The following HELZ variants were observed in gnomAD, a reference collection of about 807,000 sequenced individuals.
HELZ encodes the protein helicase with zinc finger.
A neutral mutation model predicts 218.2 loss-of-function variants in HELZ; 23 were observed. The ratio of observed to expected loss-of-function variants is 0.11; its 90% CI spans 0.08 to 0.15. HELZ has a LOEUF of 0.15. Among genes scored for constraint, HELZ ranks in the 10% least tolerant of loss-of-function variants. HELZ has a pLI of 1.00. For synonymous variants in HELZ, 814 were observed against 829.4 expected, an observed-to-expected ratio of 0.98 and a Z score of 0.32; for missense variants, 1,813 against 2,353.7, an observed-to-expected ratio of 0.77 and a Z score of 4.75.
intron 31 of HELZ, among the ~76,000 whole-genome samples, chr17:67,098,302 C>A (rs556940151): frequency 6.6e-6 from 1 of 152,296 alleles, no homozygotes; most frequent in African/African-American, 2.4e-5. Context: ...CCTTTAATAT[C>A]TTTGTGCCTC....
chr17:67,235,259 C>A (rs575149049), intron 3 of HELZ, among the ~76,000 whole-genome samples: 1 of 152,228 alleles, frequency 6.6e-6, no homozygotes, highest in East Asian at 1.9e-4. Flanking sequence ...GTAATCCCAG[C>A]ACTTTGGGAG....
At chr17:67,116,219 A>G (rs2037421510) in intron 27 of HELZ, among the ~76,000 whole-genome samples, 1 of 152,092 alleles carries the variant, frequency 6.6e-6, no homozygotes, top group Admixed American at 6.6e-5. Context: ...TTAAAAAAAA[A>G]AATACTCTAC....
chr17:67,209,133 A>AC (rs1856504415), intron 5 of HELZ, among the ~76,000 whole-genome samples: 4 of 151,282 alleles, frequency 2.6e-5, no homozygotes, highest in East Asian at 3.9e-4. Context: ...AAAAAAAAAA[A>AC]AACAACACTG....
rs1009481613 is a variant in HELZ at position 67,149,906 on chromosome 17, A to G, written c.2436T>C (p.Thr812=). ...CETIMPLALA[T]QNTRIVLAGD... The stretch of plus-strand genomic sequence containing the variant: ...CAGCCAAGACAATCCGAGTGTTTTG[A>G]GTTGCTAATGCTAGAGGCATAATGG... Residue 812 remains threonine, a synonymous_variant, in exon 19 of 33, where the codon ACT becomes ACC. Coordinates refer to ENST00000358691, the MANE Select transcript of HELZ (RefSeq NM_014877.4). The G allele has an allele frequency of 6.2e-7, 1 of 1,611,242 alleles. No homozygotes were observed. The highest frequency in any genetic ancestry group is 8.5e-7 in the Non-Finnish European group (1 of 1,178,438).
intron 1 of HELZ, 46 bp from the exon 2 acceptor site, chr17:67,243,885 C>A: frequency 2.0e-6 from 1 of 496,562 alleles, no homozygotes; most frequent in Non-Finnish European, 2.6e-6. Context: ...CAGTAACAGA[C>A]ATTATCAGTA....
intron 4 of HELZ, among the ~76,000 whole-genome samples, chr17:67,217,709 T>C (rs1760851344): frequency 6.6e-6 from 1 of 152,162 alleles, no homozygotes; most frequent in African/African-American, 2.4e-5. Context: ...CTGTTTCCAT[T>C]GCCTGCAATG....
rs1021191464 is a variant in HELZ, at chr17:67,120,541, G to A, written c.3702C>T (p.Ala1234=). ...GTGTCTGTAATAGGTTCATGTTATA[G>A]GCCATTGCTGCCTGATGTGTAATAA... ...PRIITHQAAM[A]YNMNLLQTHG... Residue 1234 remains alanine, a synonymous_variant, in exon 27 of 33, where the codon GCC becomes GCT. Coordinates refer to ENST00000358691, the MANE Select transcript of HELZ (RefSeq NM_014877.4). The A allele has an allele frequency of 6.2e-7, 1 of 1,613,548 alleles. No individual in the cohort carries two copies. The highest frequency in any genetic ancestry group is 8.5e-7 in the Non-Finnish European group (1 of 1,179,910).
chr17:67,151,004 A>G lies in HELZ; in HGVS notation c.2356+42T>C, dbSNP rs527811877. 5.1e-6 allele frequency: 8 copies of G among 1,567,310 alleles called. No individual in the cohort carries two copies. In the East Asian group the frequency reaches 1.1e-4, roughly 22 times the overall value. On this transcript the variant is annotated intron_variant, in intron 18 of 32. Coordinates refer to ENST00000358691, the MANE Select transcript of HELZ (RefSeq NM_014877.4). ...GCCAATCCCAGTCTAAACTGAATTC[A>G]TAAGCCCTAAACTTGTGAGACTGTG... is the stretch of plus-strand genomic sequence containing the variant.
chr17:67,109,723 G>A, intron 28 of HELZ, 37 bp from the exon 29 acceptor site: 1 of 1,503,362 alleles, frequency 6.7e-7, no homozygotes, highest in South Asian at 1.2e-5. Context: ...AACTGCAGAA[G>A]ATTCAAATTC....
At chr17:67,225,989 T>C (rs2040878857) in intron 3 of HELZ, among the ~76,000 whole-genome samples, 1 of 152,032 alleles carries the variant, frequency 6.6e-6, no homozygotes, top group Admixed American at 6.5e-5. Context: ...CTGACGGGCG[T>C]GGTGGCTCAC....
chr17:67,180,785 G>A (rs987149965), intron 12 of HELZ, among the ~76,000 whole-genome samples: 2 of 151,744 alleles, frequency 1.3e-5, no homozygotes, highest in Non-Finnish European at 2.9e-5. Context: ...GGCTGAGGCC[G>A]GAGAATGGCG....
intron 17 of HELZ, among the ~76,000 whole-genome samples, chr17:67,154,637 AT>A (rs2038785125): frequency 6.6e-6 from 1 of 152,140 alleles, no homozygotes; most frequent in Admixed American, 6.6e-5. Flanking sequence ...GTTGATAATC[AT>A]TTTTTATTAA....
chr17:67,080,000 C>T (rs1416329869), intron 32 of HELZ, among the ~76,000 whole-genome samples: 2 of 152,144 alleles, frequency 1.3e-5, no homozygotes, highest in East Asian at 3.8e-4. Context: ...AATGCTTCCA[C>T]TTTGTCAGCA....
In HELZ at chr17:67,108,546, G is replaced by A; in HGVS notation, c.4670C>T (p.Ala1557Val). 2 of 1,614,124 alleles carry A rather than the reference G, an allele frequency of 1.2e-6. No homozygotes were observed. Among genetic ancestry groups the A allele is most frequent in the Non-Finnish European group, 1.7e-6 (2 of 1,180,002 alleles). ...PLGLHQPPVR[A>V]DWKLTSSAED... is the part of the protein sequence containing the mutation. Reference sequence around the variant, plus strand: ...GGCACTGCTGGTGAGCTTCCAGTCTGCCCTCACTGGCGGCTGATGTAATCC... The same window carrying A: ...GGCACTGCTGGTGAGCTTCCAGTCTACCCTCACTGGCGGCTGATGTAATCC... The change falls in exon 30 of 33, where the codon GCA becomes GTA. Residue 1557 changes from alanine (A) to valine (V), a missense_variant. Around this residue, in one of 4 missense-constraint regions of HELZ, gnomAD observed 938 missense variants for 1,027.5 expected, o/e 0.91. Transcript: ENST00000358691. This position sits in a 1 kb window ranked among gnomAD's most constrained non-coding sequence, Gnocchi z 4.1.
At position 67,192,942 on chromosome 17, in the gene HELZ, T is replaced by C. The variant is rs370459364; in HGVS notation, c.557+1025A>G. On this transcript the variant is annotated intron_variant, in intron 9 of 32. Coordinates refer to ENST00000358691, the MANE Select transcript of HELZ (RefSeq NM_014877.4). ...AAGAATTACATGAAGATAATATTTTTCAGAAAGGTTAAAACAATTTAACAT... is the reference window on the plus strand; with the variant it reads ...AAGAATTACATGAAGATAATATTTTCCAGAAAGGTTAAAACAATTTAACAT... 2.6e-5 allele frequency among the ~76,000 whole-genome samples: 4 copies of C among 152,356 alleles called. No homozygotes were observed. In the East Asian group the frequency reaches 5.8e-4, roughly 22 times the overall value.
chr17:67,110,704 T>G (rs979728502), intron 28 of HELZ, among the ~76,000 whole-genome samples: 1 of 152,168 alleles, frequency 6.6e-6, no homozygotes, highest in Admixed American at 6.5e-5. Context: ...AAGGTTTTCT[T>G]GGAACACAGT....
At position 67,072,989 on chromosome 17, in the gene HELZ, T is replaced by C. The variant is rs1180083668; in HGVS notation, c.*5263A>G. The C allele has an allele frequency of 6.6e-6, 1 of 152,208 alleles. No homozygotes were observed. The highest frequency in any genetic ancestry group is 2.4e-5 in the African/African-American group (1 of 41,446). 9.4% of individuals were successfully genotyped at this position (152,208 alleles called of 1,614,324 possible). On this transcript the variant is annotated 3_prime_UTR_variant, in exon 33 of 33. Coordinates refer to ENST00000358691, the MANE Select transcript of HELZ (RefSeq NM_014877.4). Reference sequence around the variant, plus strand: ...TGGGGGTGGGTCCAGCTATCTGAATTTTAACAAGACCTCGAGGCAATTCTG... The same window carrying C: ...TGGGGGTGGGTCCAGCTATCTGAATCTTAACAAGACCTCGAGGCAATTCTG...
rs1397489696 is a variant in HELZ at position 67,077,501 on chromosome 17, C to T, written c.*751G>A. 1 of 150,832 alleles carries T rather than the reference C, an allele frequency of 6.6e-6. No individual in the cohort carries two copies. Among genetic ancestry groups the T allele is most frequent in the African/African-American group, 2.4e-5 (1 of 40,998 alleles). 9.3% of individuals were successfully genotyped at this position (150,832 alleles called of 1,614,324 possible). A position where few individuals can be genotyped will look rare whatever the true frequency, so the allele number is the denominator to read the frequency against. On this transcript the variant is annotated 3_prime_UTR_variant, in exon 33 of 33. Coordinates refer to ENST00000358691, the MANE Select transcript of HELZ (RefSeq NM_014877.4). ...CTTGATTTGTTTAAAAAAAAAAACA[C>T]ACACTATCAAATTAACATTAAAAAC... is the stretch of plus-strand genomic sequence containing the variant.
At chr17:67,184,674 G>A (rs2039704829) in intron 12 of HELZ, among the ~76,000 whole-genome samples, 1 of 151,968 alleles carries the variant, frequency 6.6e-6, no homozygotes, top group South Asian at 2.1e-4. Flanking sequence ...TAATTAGCCA[G>A]GCATGGTGGT....
Sources: allele counts gnomAD v4.1 joint callset (sites outside exome capture counted in the v4.1 genomes callset), GRCh38; gene constraint gnomAD v4.1.1; regional missense constraint gnomAD v4.1.1; non-coding constraint Gnocchi (gnomAD v3.1); transcripts MANE v1.5; gene names NCBI Gene and HGNC (gene_info 2026-07-23, HGNC 2026-07-21).